Variants in KCNN2 observed in about 807,000 individuals in gnomAD.
The protein encoded by KCNN2 is potassium calcium-activated channel subfamily N member 2.
A neutral mutation model predicts 55.5 loss-of-function variants in KCNN2; 24 were observed. The ratio of observed to expected loss-of-function variants is 0.43; its 90% CI spans 0.31 to 0.61. KCNN2 has a LOEUF of 0.61. KCNN2 is among the 20% of genes least tolerant of loss of function. KCNN2 has a pLI of 0.08. For missense variants in KCNN2, 754 were observed against 853.6 expected, an observed-to-expected ratio of 0.88 and a Z score of 1.45; for synonymous variants, 431 against 336.1, an observed-to-expected ratio of 1.28 and a Z score of -3.09.
At chr5:114,438,118 G>C (rs1028233765) in intron 3 of KCNN2, among the ~76,000 whole-genome samples, 1 of 152,136 alleles carries the variant, frequency 6.6e-6, no homozygotes, top group Non-Finnish European at 1.5e-5. Context: ...AAAGAAAACA[G>C]ATTGCCAGCA....
intron 3 of KCNN2, among the ~76,000 whole-genome samples, chr5:114,425,853 G>A (rs974247598): frequency 6.6e-6 from 1 of 152,012 alleles, no homozygotes; most frequent in Non-Finnish European, 1.5e-5. Flanking sequence ...CCCATGGTCA[G>A]GTCCCCACCA....
intron 1 of KCNN2, among the ~76,000 whole-genome samples, chr5:114,107,319 A>T (rs6885474): frequency 0.046 from 7,004 of 151,994 alleles, 534 homozygotes; most frequent in African/African-American, 0.16. Context: ...TTGGTATCTG[A>T]TAGTGTAACT....
At chr5:114,189,680 A>G (rs1195877422) in intron 1 of KCNN2, among the ~76,000 whole-genome samples, 1 of 152,246 alleles carries the variant, frequency 6.6e-6, no homozygotes, top group African/African-American at 2.4e-5. Flanking sequence ...TTCTCACAGC[A>G]TCCTATGAAA....
At chr5:114,274,044 A>T (rs889038330) in intron 2 of KCNN2, among the ~76,000 whole-genome samples, 3 of 152,182 alleles carry the variant, frequency 2.0e-5, no homozygotes, top group African/African-American at 7.2e-5. Flanking sequence ...GTCCAGTTTC[A>T]GTTTTCTGCA....
At chr5:114,141,479 G>GC (rs1310127371) in intron 1 of KCNN2, among the ~76,000 whole-genome samples, 5 of 152,032 alleles carry the variant, frequency 3.3e-5, no homozygotes, top group African/African-American at 1.2e-4. Context: ...TTTTATGACT[G>GC]CATAGTATTC....
chr5:114,071,458 A>C (rs1189141818), intron 1 of KCNN2, among the ~76,000 whole-genome samples: 1 of 152,230 alleles, frequency 6.6e-6, no homozygotes, highest in African/African-American at 2.4e-5. Context: ...TGTACCATAG[A>C]TGCAGGAGAT....
intron 5 of KCNN2, among the ~76,000 whole-genome samples, chr5:114,479,740 CACAACT>C (rs1438877101): frequency 6.6e-6 from 1 of 152,090 alleles, no homozygotes; most frequent in Non-Finnish European, 1.5e-5. Flanking sequence ...AAAACCACAC[CACAACT>C]ACATGGAAAT....
rs1178723158 is a variant in KCNN2 at position 114,241,806 on chromosome 5, GTATATATATATA to G, written c.-185+20243_-185+20254del. Among the ~76,000 whole-genome samples the G allele has an allele frequency of 6.2e-4, 4 of 6,482 alleles. 1 individual carries two copies. Among genetic ancestry groups the G allele is most frequent in the Non-Finnish European group, 1.1e-3 (3 of 2,660 alleles). 4.3% of individuals were successfully genotyped at this position (6,482 alleles called of 152,430 possible). A position where few individuals can be genotyped will look rare whatever the true frequency, so the allele number is the denominator to read the frequency against. ...TACGTATATATATGTATATATATAC[GTATATATATATA>G]TGTGTGTATATATATATATATATAT... On this transcript the variant is annotated intron_variant, in intron 2 of 10. Transcript: ENST00000512097.
At chr5:114,078,496 C>G (rs1320462882) in intron 1 of KCNN2, among the ~76,000 whole-genome samples, 1 of 152,146 alleles carries the variant, frequency 6.6e-6, no homozygotes, top group African/African-American at 2.4e-5. Context: ...GGATCCTTCC[C>G]TCACGCTCTG....
intron 2 of KCNN2, among the ~76,000 whole-genome samples, chr5:114,326,657 A>G (rs551893813): frequency 6.6e-6 from 1 of 152,322 alleles, no homozygotes; most frequent in Non-Finnish European, 1.5e-5. Flanking sequence ...AGCTTTCTCC[A>G]TACATCTGGT....
intron 2 of KCNN2, among the ~76,000 whole-genome samples, chr5:114,280,222 T>G (rs1755594444): frequency 6.6e-6 from 1 of 152,216 alleles, no homozygotes; most frequent in South Asian, 2.1e-4. Context: ...ATGGGTAGAT[T>G]GTAAAAATTT....
At chr5:114,380,247 C>G (rs1561596966) in intron 2 of KCNN2, among the ~76,000 whole-genome samples, 1 of 152,158 alleles carries the variant, frequency 6.6e-6, no homozygotes, top group Non-Finnish European at 1.5e-5. Context: ...TTTCTTCTAA[C>G]GTGGATTAAT....
At chr5:114,365,988 G>A (rs1252814105) in intron 2 of KCNN2, among the ~76,000 whole-genome samples, 4 of 152,142 alleles carry the variant, frequency 2.6e-5, no homozygotes, top group Non-Finnish European at 5.9e-5. Flanking sequence ...GACTCTTTAA[G>A]AATTATTGGG....
chr5:114,103,172 C>T (rs2112572027), intron 1 of KCNN2, among the ~76,000 whole-genome samples: 1 of 152,128 alleles, frequency 6.6e-6, no homozygotes, highest in Admixed American at 6.5e-5. Flanking sequence ...TAATTGTATT[C>T]CTAGGTATTT....
intron 3 of KCNN2, among the ~76,000 whole-genome samples, chr5:114,430,065 C>G (rs1236989653): frequency 6.6e-6 from 1 of 151,948 alleles, no homozygotes; most frequent in Non-Finnish European, 1.5e-5. Context: ...AGTGTTATTC[C>G]TCTAAACTTA....
intron 1 of KCNN2, among the ~76,000 whole-genome samples, chr5:114,177,284 C>G (rs900552799): frequency 6.6e-6 from 1 of 151,898 alleles, no homozygotes; most frequent in Non-Finnish European, 1.5e-5. Flanking sequence ...ACTACAGGAG[C>G]CCGCCACCGC....
intron 2 of KCNN2, among the ~76,000 whole-genome samples, chr5:114,341,235 G>T (rs183671859): frequency 6.6e-6 from 1 of 152,272 alleles, no homozygotes; most frequent in East Asian, 1.9e-4. Flanking sequence ...CATTTGAATT[G>T]CTGTCCATAT....
chr5:114,087,432 C>G (rs561649736), intron 1 of KCNN2, among the ~76,000 whole-genome samples: 1 of 152,154 alleles, frequency 6.6e-6, no homozygotes, highest in African/African-American at 2.4e-5. Context: ...AGTCTTTAAT[C>G]CATCATGAGT....
intron 1 of KCNN2, among the ~76,000 whole-genome samples, chr5:114,078,731 T>C (rs926799693): frequency 6.6e-6 from 1 of 152,176 alleles, no homozygotes; most frequent in Non-Finnish European, 1.5e-5. Flanking sequence ...GTTTCTGTTA[T>C]GGATAAGATG....
Sources: allele counts gnomAD v4.1 joint callset (sites outside exome capture counted in the v4.1 genomes callset), GRCh38; gene constraint gnomAD v4.1.1; transcripts MANE v1.5; gene names NCBI Gene and HGNC (gene_info 2026-07-23, HGNC 2026-07-21).